Variants in DPF2 observed in about 807,000 individuals in gnomAD.
The protein encoded by DPF2 is double PHD fingers 2.
Under a neutral mutation model 59.6 loss-of-function variants are expected in DPF2, and 10 were observed. The observed-to-expected ratio is 0.17, with a 90% CI of 0.10 to 0.28. The LOEUF (loss-of-function observed/expected upper bound fraction) is 0.28. Among genes scored for constraint, DPF2 ranks in the 10% least tolerant of loss-of-function variants. The probability of loss-of-function intolerance (pLI) is 1.00; values close to 1 mark genes in which losing one functional copy is unlikely to be tolerated. For synonymous variants in DPF2, 189 were observed against 190.6 expected (o/e 0.99, Z 0.07); for missense variants, 315 against 509.4 (o/e 0.62, Z 3.67).
Position 65,337,452 on chromosome 11 carries a change from C to CAAAAAA in DPF2, c.33-2915_33-2910dup, listed in dbSNP as rs750931920. ...TGGGCGGCAAAGCAAGACTCTATCTCAAAAAAAAAAAAAAAAAAAAAAATA... is the reference window on the plus strand; with the variant it reads ...TGGGCGGCAAAGCAAGACTCTATCTCAAAAAAAAAAAAAAAAAAAAAAAAAAAAATA... On this transcript the variant is annotated intron_variant, in intron 1 of 10. Transcript: ENST00000528416. 8.9e-4 allele frequency among the ~76,000 whole-genome samples: 12 copies of CAAAAAA among 13,534 alleles called. 2 individuals are homozygous for CAAAAAA. Among genetic ancestry groups the CAAAAAA allele is most frequent in the African/African-American group, 2.0e-3 (7 of 3,458 alleles). 8.9% of individuals were successfully genotyped at this position (13,534 alleles called of 152,430 possible).
At chr11:65,338,756 T>C (rs920697032) in intron 1 of DPF2, among the ~76,000 whole-genome samples, 1 of 152,200 alleles carries the variant, frequency 6.6e-6, no homozygotes, top group Non-Finnish European at 1.5e-5. Context: ...GCTGGGCACA[T>C]GCTAAGTTAT....
In DPF2 at chr11:65,345,997, G is replaced by A. The variant is rs773005168; in HGVS notation, c.843G>A (p.Lys281=). The A allele has an allele frequency of 3.7e-6, 6 of 1,614,104 alleles. No individual in the cohort carries two copies. In the East Asian group the frequency reaches 8.9e-5, roughly 24 times the overall value. The change falls in exon 8 of 11, where the codon AAG becomes AAA. Residue 281 remains lysine, a synonymous_variant. Coordinates refer to ENST00000528416, the MANE Select transcript of DPF2 (RefSeq NM_006268.5). The stretch of plus-strand genomic sequence containing the variant: ...GTGACTTCTGCCTGGGGGACTCAAA[G>A]ATTAACAAGAAGACGGGACAACCCG... ...NYCDFCLGDS[K]INKKTGQPEE... is the part of the protein sequence containing the mutation.
In DPF2 at chr11:65,353,418, C is replaced by T. The variant is rs569363414; in HGVS notation, c.*1659C>T. On this transcript the variant is annotated 3_prime_UTR_variant, in exon 11 of 11. Transcript: ENST00000528416. ...ATTAATAAGCAAACTAATGACATCA[C>T]CATGGGACACACACAAAAGTTCTTG... 6.6e-6 allele frequency among the ~76,000 whole-genome samples: 1 copy of T among 152,342 alleles called. No homozygotes were observed. The highest frequency in any genetic ancestry group is 2.4e-5 in the African/African-American group (1 of 41,578).
At chr11:65,343,090 G>A (rs1244695940) in intron 4 of DPF2, among the ~76,000 whole-genome samples, 5 of 150,868 alleles carry the variant, frequency 3.3e-5, no homozygotes, top group African/African-American at 1.2e-4. Flanking sequence ...ACCTGAGGTC[G>A]GGAGTTCGAG....
chr11:65,348,990 T>C, intron 10 of DPF2, 59 bp downstream of exon 10: 1 of 1,571,306 alleles, frequency 6.4e-7, no homozygotes, highest in South Asian at 1.1e-5. Context: ...TGGAAAATAC[T>C]GAGTTCTATG....
At chr11:65,345,551 C>T in intron 6 of DPF2, 115 bp from the exon 7 acceptor site, 1 of 1,449,316 alleles carries the variant, frequency 6.9e-7, no homozygotes, top group Non-Finnish European at 9.4e-7. Context: ...AGTGGAGCTG[C>T]TAGGGGAAGG....
In DPF2 at chr11:65,353,106, A is replaced by AT. The variant is rs1484755975; in HGVS notation, c.*1347_*1348insT. 1 of 151,386 alleles carries AT rather than the reference A, an allele frequency of 6.6e-6. No individual in the cohort carries two copies. The highest frequency in any genetic ancestry group is 1.5e-5 in the Non-Finnish European group (1 of 67,896). The allele number at this position is 151,386 out of a possible 1,614,324, so 9.4% of individuals were successfully genotyped here. A position where few individuals can be genotyped will look rare whatever the true frequency, so the allele number is the denominator to read the frequency against. On this transcript the variant is annotated 3_prime_UTR_variant, in exon 11 of 11. Transcript: ENST00000528416. ...TACAGCTTTTTTCCCCCCAAATTAA[A>AT]ATTTTTTTGTGGAACCCCAATATGT...
intron 1 of DPF2, among the ~76,000 whole-genome samples, chr11:65,335,810 TTTC>T (rs1428677827): frequency 1.3e-5 from 2 of 152,138 alleles, no homozygotes; most frequent in Non-Finnish European, 2.9e-5. Flanking sequence ...TAGCTCATCT[TTTC>T]TTTTTTTTTA....
intron 1 of DPF2, among the ~76,000 whole-genome samples, chr11:65,339,925 T>C (rs1312679084): frequency 6.6e-6 from 1 of 152,208 alleles, no homozygotes; most frequent in Non-Finnish European, 1.5e-5. Context: ...ACTCTTTCCC[T>C]CTGGAGCAGA....
chr11:65,346,419 C>A, intron 9 of DPF2, 60 bp downstream of exon 9: 3 of 1,469,304 alleles, frequency 2.0e-6, no homozygotes, highest in Non-Finnish European at 2.8e-6. Context: ...GCTGTTTGCA[C>A]AGTTCCCTCT....
chr11:65,345,772 T>C lies in DPF2; in HGVS notation c.744T>C (p.Thr248=), dbSNP rs752984829. ...GEDKEDSQPP[T]PVSQRSEEQK... ...ACAAGGAAGACTCTCAACCACCCAC[T>C]CCTGTTTCCCAGAGGTCTGAGGAGC... The change falls in exon 7 of 11, where the codon ACT becomes ACC. Residue 248 remains threonine, a synonymous_variant. Coordinates refer to ENST00000528416, the MANE Select transcript of DPF2 (RefSeq NM_006268.5). 2 of 1,614,058 alleles carry C rather than the reference T, an allele frequency of 1.2e-6. No individual in the cohort carries two copies. Among genetic ancestry groups the C allele is most frequent in the Admixed American group, 3.3e-5 (2 of 59,984 alleles).
At chr11:65,335,450 TC>T (rs2137679090) in intron 1 of DPF2, among the ~76,000 whole-genome samples, 1 of 152,334 alleles carries the variant, frequency 6.6e-6, no homozygotes, top group Admixed American at 6.5e-5. Flanking sequence ...TGGAAGATTT[TC>T]CTCAGAGAAA....
intron 9 of DPF2, chr11:65,348,545 C>T (rs1285006652): frequency 3.5e-6 from 1 of 289,208 alleles, no homozygotes; most frequent in Non-Finnish European, 6.5e-6. Flanking sequence ...TGCACCACTG[C>T]ACTCCAGCCT....
intron 6 of DPF2, chr11:65,345,297 C>T (rs1854496298): frequency 4.8e-6 from 1 of 208,270 alleles, no homozygotes; most frequent in Non-Finnish European, 9.8e-6. Flanking sequence ...CCCCTTCCTG[C>T]CACCCCAAAG....
Position 65,346,031 on chromosome 11 carries a change from G to C in DPF2, c.877G>C (p.Val293Leu). The part of the protein sequence containing the change: ...NKKTGQPEEL[V>L]SCSDCGRSGH... ...GAAGACGGGACAACCCGAGGAGCTG[G>C]TGTCCTGTTCTGACTGTGGCCGCTC... The change falls in exon 8 of 11, where the codon GTG becomes CTG. Residue 293 changes from valine (V) to leucine (L), a missense_variant. Physicochemically the swap from Val to Leu is conservative, Grantham distance 32 (BLOSUM62 1). This residue lies in a region of DPF2 where 58 missense variants were observed against 84.6 expected (regional missense o/e 0.69). Transcript: ENST00000528416. 5 of 1,614,234 alleles carry C rather than the reference G, an allele frequency of 3.1e-6. No individual in the cohort carries two copies. Among genetic ancestry groups the C allele is most frequent in the Non-Finnish European group, 4.2e-6 (5 of 1,180,048 alleles).
rs1013806300 is a variant in DPF2, at chr11:65,340,280, A to C, written c.33-105A>C. On this transcript the variant is annotated intron_variant, in intron 1 of 10. Transcript: ENST00000528416. ...AATAGAACGGAAGAGACAGCCACCC[A>C]GTCCCTTGAGCCTTCTAGAGAAGCA... 16 of 1,344,142 alleles carry C rather than the reference A, an allele frequency of 1.2e-5. No homozygotes were observed. The East Asian group carries it at 3.8e-4, about 32-fold the overall frequency. 83.3% of individuals were successfully genotyped at this position (1,344,142 alleles called of 1,614,324 possible). A position where few individuals can be genotyped will look rare whatever the true frequency, so the allele number is the denominator to read the frequency against.
At position 65,345,734 on chromosome 11, in the gene DPF2, G is replaced by A; in HGVS notation, c.706G>A (p.Glu236Lys). Residue 236 changes from glutamate to lysine, a missense_variant, in exon 7 of 11, where the codon GAG becomes AAG. Coordinates refer to ENST00000528416, the MANE Select transcript of DPF2 (RefSeq NM_006268.5). ...YHYAHSHLAE[E>K]EGEDKEDSQP... ...CTATGCCCACTCCCACTTGGCTGAG[G>A]AGGAGGGCGAGGACAAGGAAGACTC... 4 of 1,614,144 alleles carry A rather than the reference G, an allele frequency of 2.5e-6. No homozygotes were observed. Among genetic ancestry groups the A allele is most frequent in the African/African-American group, 1.3e-5 (1 of 75,038 alleles).
At chr11:65,346,461 A>G (rs1289128811) in intron 9 of DPF2, 102 bp downstream of exon 9, 1 of 1,053,212 alleles carries the variant, frequency 9.5e-7, no homozygotes, top group African/African-American at 1.6e-5. Context: ...AGGGAGCAGG[A>G]TCCCTCCCAC....
At chr11:65,344,396 C>T (rs1854468827) in intron 6 of DPF2, 2 of 647,894 alleles carry the variant, frequency 3.1e-6, no homozygotes, top group Non-Finnish European at 5.2e-6. Context: ...GGGTCTGACA[C>T]TGAGTTTTTC....
Sources: gnomAD v4.1 joint callset for allele counts (sites outside exome capture counted in the v4.1 genomes callset) on GRCh38, gnomAD v4.1.1 for gene constraint, gnomAD v4.1.1 regional missense constraint, MANE v1.5 for transcripts, NCBI Gene and HGNC (gene_info 2026-07-23, HGNC 2026-07-21) for gene names.